The following BRINP3 variants were observed in gnomAD, a reference collection of about 807,000 sequenced individuals.
The protein encoded by BRINP3 is BMP/retinoic acid inducible neural specific 3, also known as BMP/retinoic acid-inducible neural-specific protein 3.
A neutral mutation model predicts 71.0 loss-of-function variants in BRINP3; 19 were observed. The ratio of observed to expected loss-of-function variants is 0.27; its 90% CI spans 0.19 to 0.39. The LOEUF (loss-of-function observed/expected upper bound fraction) is 0.39, where lower values mean the gene tolerates loss of function less well. Ranked by LOEUF, BRINP3 falls within the 10% of genes least tolerant of loss-of-function variation. BRINP3 has a pLI of 1.00. For synonymous variants in BRINP3, 380 were observed against 337.7 expected (o/e 1.13, Z -1.37); for missense variants, 959 against 940.8 (o/e 1.02, Z -0.25).
At chr1:190,463,805 C>A (rs1402872162) in intron 1 of BRINP3, among the ~76,000 whole-genome samples, 1 of 151,762 alleles carries the variant, frequency 6.6e-6, no homozygotes. Flanking sequence ...CTTTCTTAAT[C>A]TTTACATTTT....
chr1:190,265,186 G>T (rs948565676), intron 3 of BRINP3, 131 bp from the exon 4 acceptor site: 4 of 774,282 alleles, frequency 5.2e-6, no homozygotes, highest in Non-Finnish European at 5.8e-6. Context: ...AAGGGCAAGG[G>T]GTTTTATTTT....
chr1:190,098,281 T>C lies in BRINP3; in HGVS notation c.2038A>G (p.Ile680Val), dbSNP rs763294630. 1.7e-5 allele frequency: 28 copies of C among 1,614,078 alleles called. No homozygotes were observed. Among genetic ancestry groups the C allele is most frequent in the Admixed American group, 1.5e-4 (9 of 60,002 alleles). Residue 680 changes from isoleucine (I) to valine (V), a missense_variant, in exon 8 of 8, where the codon ATT (isoleucine) becomes GTT (valine). Coordinates refer to ENST00000367462, the MANE Select transcript of BRINP3 (RefSeq NM_199051.3). ...GYSMHFDPEAIRDLILQLDYP... is the reference protein window; with the variant it reads ...GYSMHFDPEAVRDLILQLDYP... ...TCCAGCTGCAAAATCAGGTCCCGAA[T>C]TGCTTCAGGGTCAAAGTGCATGCTG...
intron 2 of BRINP3, among the ~76,000 whole-genome samples, chr1:190,411,571 A>T (rs577061161): frequency 6.6e-6 from 1 of 152,280 alleles, no homozygotes; most frequent in South Asian, 2.1e-4. Context: ...TAGTAAATTG[A>T]ATTTTTTTAA....
chr1:190,326,151 T>C (rs1666565901), intron 2 of BRINP3, among the ~76,000 whole-genome samples: 1 of 152,096 alleles, frequency 6.6e-6, no homozygotes, highest in Non-Finnish European at 1.5e-5. Context: ...AATTCAAAGC[T>C]TTATCAATAG....
At chr1:190,397,770 A>C in intron 2 of BRINP3, among the ~76,000 whole-genome samples, 1 of 152,056 alleles carries the variant, frequency 6.6e-6, no homozygotes, top group South Asian at 2.1e-4. Flanking sequence ...AATTTTAATT[A>C]TTAAAAATCT....
intron 2 of BRINP3, among the ~76,000 whole-genome samples, chr1:190,334,566 T>C (rs1667168425): frequency 6.6e-6 from 1 of 151,830 alleles, no homozygotes; most frequent in Non-Finnish European, 1.5e-5. Flanking sequence ...ATATTCACTA[T>C]ATATCTTATA....
At position 190,268,628 on chromosome 1, in the gene BRINP3, GATA is replaced by G. The variant is rs139159779; in HGVS notation, c.428-3576_428-3574del. Reference sequence around the variant, plus strand: ...ACACTTAAACTATGTTTATTTCGCAGATAATATGATTATGCAGGTGAAAATTCA... The same window carrying G: ...ACACTTAAACTATGTTTATTTCGCAGATATGATTATGCAGGTGAAAATTCA... On this transcript the variant is annotated intron_variant, in intron 3 of 7. Coordinates refer to ENST00000367462, the MANE Select transcript of BRINP3 (RefSeq NM_199051.3). 5.4e-3 allele frequency among the ~76,000 whole-genome samples: 823 copies of G among 152,186 alleles called. 2 individuals are homozygous for G. Among genetic ancestry groups the G allele is most frequent in the African/African-American group, 0.019 (796 of 41,536 alleles).
chr1:190,384,929 T>C (rs1553308291), intron 2 of BRINP3, among the ~76,000 whole-genome samples: 2 of 151,992 alleles, frequency 1.3e-5, no homozygotes, highest in Non-Finnish European at 2.9e-5. Context: ...TCTACAACTA[T>C]CTGATCTTTG....
intron 2 of BRINP3, among the ~76,000 whole-genome samples, chr1:190,340,948 T>C (rs1384712261): frequency 6.6e-6 from 1 of 151,832 alleles, no homozygotes; most frequent in Non-Finnish European, 1.5e-5. Context: ...CTTAAAGATG[T>C]ATCATTTAAC....
chr1:190,451,290 A>G (rs114999891), intron 2 of BRINP3, among the ~76,000 whole-genome samples: 86 of 152,316 alleles, frequency 5.6e-4, no homozygotes, highest in African/African-American at 1.8e-3. Flanking sequence ...CTTAGAACTC[A>G]TATCAGTAGT....
At chr1:190,231,149 A>G (rs1336497892) in intron 5 of BRINP3, among the ~76,000 whole-genome samples, 2 of 151,798 alleles carry the variant, frequency 1.3e-5, no homozygotes, top group East Asian at 1.9e-4. Context: ...CAGCTTTTTG[A>G]AAACACATGG....
At chr1:190,160,591 C>A (rs557332594) in intron 7 of BRINP3, 77 bp downstream of exon 7, 1 of 1,192,666 alleles carries the variant, frequency 8.4e-7, no homozygotes, top group East Asian at 2.4e-5. Flanking sequence ...TATTAACACA[C>A]CTGCATTCAG....
intron 6 of BRINP3, among the ~76,000 whole-genome samples, chr1:190,175,738 T>C (rs1197299559): frequency 6.6e-6 from 1 of 152,222 alleles, no homozygotes; most frequent in Non-Finnish European, 1.5e-5. Context: ...TATCTATCTA[T>C]GTATCACCTA....
chr1:190,133,895 T>C (rs890674739), intron 7 of BRINP3, among the ~76,000 whole-genome samples: 1 of 152,034 alleles, frequency 6.6e-6, no homozygotes, highest in Admixed American at 6.6e-5. Context: ...AAATGTAACT[T>C]AAATCTCTGT....
chr1:190,264,827 A>C (rs1661510584), intron 4 of BRINP3, 38 bp downstream of exon 4: 1 of 1,576,442 alleles, frequency 6.3e-7, no homozygotes, highest in Non-Finnish European at 8.7e-7. Context: ...GGAAACAAAC[A>C]ATGGAAGGTG....
At chr1:190,455,451 ATGTATATGTG>A (rs1037672107) in intron 1 of BRINP3, among the ~76,000 whole-genome samples, 24 of 152,122 alleles carry the variant, frequency 1.6e-4, no homozygotes, top group African/African-American at 2.9e-4. Flanking sequence ...AAATATATGT[ATGTATATGTG>A]TGTATATGTG....
intron 6 of BRINP3, among the ~76,000 whole-genome samples, chr1:190,167,420 C>T (rs1238542707): frequency 3.9e-5 from 6 of 151,904 alleles, no homozygotes; most frequent in Non-Finnish European, 7.4e-5. Flanking sequence ...ACCTATATGC[C>T]TGCATATAAT....
At chr1:190,368,814 C>T (rs944708114) in intron 2 of BRINP3, among the ~76,000 whole-genome samples, 22 of 152,122 alleles carry the variant, frequency 1.4e-4, no homozygotes, top group African/African-American at 4.3e-4. Context: ...TAATCACTTA[C>T]GTCTTTAGAT....
chr1:190,181,244 C>A (rs1057478261), intron 6 of BRINP3, among the ~76,000 whole-genome samples: 1 of 152,002 alleles, frequency 6.6e-6, no homozygotes, highest in Non-Finnish European at 1.5e-5. Flanking sequence ...AGTATACATT[C>A]AAAATGTTCA....
Sources: allele counts gnomAD v4.1 joint callset (sites outside exome capture counted in the v4.1 genomes callset), GRCh38; gene constraint gnomAD v4.1.1; transcripts MANE v1.5; gene names NCBI Gene and HGNC (gene_info 2026-07-23, HGNC 2026-07-21).